The following DCAF8L2 variants were observed in gnomAD, a reference collection of about 807,000 sequenced individuals.
DCAF8L2 encodes the protein DDB1- and CUL4-associated factor 8-like protein 2.
For synonymous variants in DCAF8L2, 200 were observed against 190.9 expected (o/e 1.05, Z -0.39); for missense variants, 430 against 490.7 (o/e 0.88, Z 1.17).
At chrX:27,696,798 C>A (rs1038860735) in intron 3 of DCAF8L2, among the ~76,000 whole-genome samples, 3 of 110,828 alleles carry the variant, frequency 2.7e-5, no homozygotes, top group Non-Finnish European at 5.6e-5. Context: ...TCTTGAATCT[C>A]TCTTTAAATA....
intron 3 of DCAF8L2, among the ~76,000 whole-genome samples, chrX:27,680,227 C>T (rs914600747): frequency 1.3e-4 from 15 of 111,155 alleles, no homozygotes; most frequent in African/African-American, 4.3e-4. Flanking sequence ...AGCACAGAGC[C>T]TAAGAGTCGT....
At chrX:27,600,269 G>A (rs1926581728) in intron 1 of DCAF8L2, among the ~76,000 whole-genome samples, 1 of 112,138 alleles carries the variant, frequency 8.9e-6, no homozygotes. Context: ...GACACTGAAT[G>A]AAGGCTGAAG....
the DCAF8L2 span, among the ~76,000 whole-genome samples, chrX:27,564,495 C>T: frequency 1.9e-5 from 2 of 103,869 alleles, no homozygotes; most frequent in East Asian, 3.2e-4. Flanking sequence ...TTGAGGTGCA[C>T]GTGCTCTCTT....
chrX:27,514,667 T>A, the DCAF8L2 span, among the ~76,000 whole-genome samples: 1 of 4,274 alleles, frequency 2.3e-4, no homozygotes, highest in Non-Finnish European at 7.3e-4. Flanking sequence ...AGACTCCGTC[T>A]CAAAAAAAAA....
At chrX:27,556,384 G>A in the DCAF8L2 span, among the ~76,000 whole-genome samples, 10,923 of 110,788 alleles carry the variant, frequency 0.099, 418 homozygotes, top group Non-Finnish European at 0.12. Flanking sequence ...TGTAATGTGC[G>A]ATATAAACAC....
intron 2 of DCAF8L2, among the ~76,000 whole-genome samples, chrX:27,640,556 A>G (rs776193875): frequency 1.6e-4 from 18 of 112,581 alleles, no homozygotes; most frequent in Middle Eastern, 9.2e-3. Flanking sequence ...TACAGCTGCT[A>G]TAAATATTCA....
the DCAF8L2 span, among the ~76,000 whole-genome samples, chrX:27,571,416 C>T: frequency 9.0e-6 from 1 of 111,590 alleles, no homozygotes; most frequent in African/African-American, 3.3e-5. Flanking sequence ...TTAACTAAGA[C>T]TTTTATAATC....
upstream of DCAF8L2, among the ~76,000 whole-genome samples, chrX:27,587,966 T>A (rs1461674583): frequency 2.6e-5 from 1 of 38,905 alleles, no homozygotes; most frequent in African/African-American, 1.0e-4. Context: ...GTGACTTCAG[T>A]ACTTCCATTA....
the DCAF8L2 span, among the ~76,000 whole-genome samples, chrX:27,505,247 A>G: frequency 9.0e-6 from 1 of 111,254 alleles, no homozygotes; most frequent in Non-Finnish European, 1.9e-5. Context: ...TTGACCCTAG[A>G]TACGAACCCA....
intron 1 of DCAF8L2, among the ~76,000 whole-genome samples, chrX:27,627,154 T>C (rs1928050521): frequency 9.3e-6 from 1 of 107,248 alleles, no homozygotes. Context: ...TTAGAATACA[T>C]AAGTAGTACG....
In DCAF8L2 at chrX:27,715,914, T is replaced by C. The variant is rs888691075; in HGVS notation, c.-142-174T>C. On this transcript the variant is annotated intron_variant, in intron 3 of 4. Transcript: ENST00000451261. ...CTTTTCTATCTCAGAGCTTTTAACATTATTATTGTCAAATATGTTTGAACT... is the reference window on the plus strand; with the variant it reads ...CTTTTCTATCTCAGAGCTTTTAACACTATTATTGTCAAATATGTTTGAACT... Among the ~76,000 whole-genome samples the C allele has an allele frequency of 7.1e-5, 8 of 112,457 alleles. 1 individual carries two copies. In the Admixed American group the frequency reaches 7.6e-4, roughly 11 times the overall value.
At chrX:27,635,703 A>G (rs1285886582) in intron 2 of DCAF8L2, among the ~76,000 whole-genome samples, 1 of 111,520 alleles carries the variant, frequency 9.0e-6, no homozygotes, top group Non-Finnish European at 1.9e-5. Context: ...TCAAATTGAA[A>G]GTGACACTTT....
chrX:27,712,867 A>G (rs1454536956), intron 3 of DCAF8L2, among the ~76,000 whole-genome samples: 1 of 112,205 alleles, frequency 8.9e-6, no homozygotes, highest in Non-Finnish European at 1.9e-5. Context: ...TTTAAAATAG[A>G]TAATTGTCTG....
At chrX:27,576,868 A>G in the DCAF8L2 span, among the ~76,000 whole-genome samples, 3 of 111,930 alleles carry the variant, frequency 2.7e-5, no homozygotes, top group African/African-American at 6.5e-5. Context: ...TTGAACTCAA[A>G]CTATCTATTA....
At position 27,644,263 on chromosome X, in the gene DCAF8L2, A is replaced by G. The variant is rs773060391; in HGVS notation, c.-220+12263A>G. ...TACACATATACACACATACACGTTT[A>G]ATTTGTTGTTTGTCTCTTTCACTAG... On this transcript the variant is annotated intron_variant, in intron 2 of 4. Transcript: ENST00000451261. 8.9e-5 allele frequency among the ~76,000 whole-genome samples: 10 copies of G among 112,373 alleles called. No individual in the cohort carries two copies. The South Asian group carries it at 3.7e-3, about 41-fold the overall frequency.
the DCAF8L2 span, among the ~76,000 whole-genome samples, chrX:27,473,903 G>T: frequency 0.024 from 2,668 of 110,938 alleles, 91 homozygotes; most frequent in African/African-American, 0.083. Flanking sequence ...TCTTGAGGTT[G>T]CTCTGGGCGT....
chrX:27,514,670 AAAAAAAAAAAAAAAAAAAAAAAAAAC>A, the DCAF8L2 span, among the ~76,000 whole-genome samples: 1 of 60,512 alleles, frequency 1.7e-5, no homozygotes, highest in African/African-American at 8.1e-5. Context: ...CTCCGTCTCA[AAAAAAAAAAAAAAAAAAAAAAAAAAC>A]AAAAAAAAAA....
the DCAF8L2 span, among the ~76,000 whole-genome samples, chrX:27,499,836 T>G: frequency 3.9e-5 from 4 of 103,157 alleles, no homozygotes; most frequent in Middle Eastern, 5.1e-3. Context: ...GATTTGGTGG[T>G]GGGGGGGGGT....
chrX:27,732,920 C>T (rs1921299512), intron 4 of DCAF8L2, among the ~76,000 whole-genome samples: 1 of 110,981 alleles, frequency 9.0e-6, no homozygotes, highest in African/African-American at 3.3e-5. Context: ...GTGTAGTGTG[C>T]AACCTCGGCT....
Sources: allele counts gnomAD v4.1 joint callset (sites outside exome capture counted in the v4.1 genomes callset), GRCh38; gene constraint gnomAD v4.1.1; transcripts MANE v1.5; gene names NCBI Gene and HGNC (gene_info 2026-07-23, HGNC 2026-07-21).